FHIP1A: variants seen among roughly 807,000 people sequenced by gnomAD.
FHIP1A encodes FHF complex subunit HOOK interacting protein 1A.
A neutral mutation model predicts 88.6 loss-of-function variants in FHIP1A; 61 were observed. The ratio of observed to expected loss-of-function variants is 0.69; its 90% CI spans 0.56 to 0.85. The LOEUF is 0.85. Among genes scored for constraint, FHIP1A ranks in the 40% least tolerant of loss-of-function variants. The pLI is 0.00. For synonymous variants in FHIP1A, 478 were observed against 496.0 expected, an observed-to-expected ratio of 0.96 and a Z score of 0.48; for missense variants, 1,154 against 1,273.5, an observed-to-expected ratio of 0.91 and a Z score of 1.43.
chr4:151,505,307 T>C (rs1730793386), intron 3 of FHIP1A, among the ~76,000 whole-genome samples: 1 of 152,138 alleles, frequency 6.6e-6, no homozygotes, highest in African/African-American at 2.4e-5. Flanking sequence ...AAGATAGGAA[T>C]TGGGGAGGCT....
chr4:151,476,161 A>ATTTTTT (rs564671344), intron 2 of FHIP1A, among the ~76,000 whole-genome samples: 1 of 111,510 alleles, frequency 9.0e-6, no homozygotes, highest in Non-Finnish European at 1.8e-5. Flanking sequence ...TGCTCGGCCG[A>ATTTTTT]TTTTTTTTTT....
At chr4:151,635,578 C>G (rs1351146880) in intron 8 of FHIP1A, among the ~76,000 whole-genome samples, 1 of 151,748 alleles carries the variant, frequency 6.6e-6, no homozygotes, top group East Asian at 1.9e-4. Context: ...TTGTCATATG[C>G]TACAACACGG....
chr4:151,656,688 G>C lies in FHIP1A; in HGVS notation c.2731-72G>C, dbSNP rs1737253423. On this transcript the variant is annotated intron_variant, in intron 12 of 13. Coordinates refer to ENST00000435205, the MANE Select transcript of FHIP1A (RefSeq NM_001109977.3). This position sits in a 1 kb window ranked among gnomAD's most constrained non-coding sequence, Gnocchi z 4.2. ...AGTTCCCATAATGAGGGTGCTACCT[G>C]CAAGATATATTGATAACTGGGAGTG... The C allele has an allele frequency of 3.4e-6, 5 of 1,470,926 alleles. No homozygotes were observed. The highest frequency in any genetic ancestry group is 3.7e-6 in the Non-Finnish European group (4 of 1,089,520). The allele number at this position is 1,470,926 out of a possible 1,614,324, so 91.1% of individuals were successfully genotyped here. A position where few individuals can be genotyped will look rare whatever the true frequency, so the allele number is the denominator to read the frequency against.
At chr4:151,486,205 C>G (rs1382832039) in intron 3 of FHIP1A, among the ~76,000 whole-genome samples, 2 of 152,170 alleles carry the variant, frequency 1.3e-5, no homozygotes, top group African/African-American at 4.8e-5. Context: ...TGGTTCCTAA[C>G]AGGCCAGAGA....
intron 13 of FHIP1A, among the ~76,000 whole-genome samples, chr4:151,658,177 G>A (rs1416714897): frequency 6.6e-6 from 1 of 152,234 alleles, no homozygotes; most frequent in African/African-American, 2.4e-5. Context: ...TGGTAAGTGT[G>A]TGACCTGTGT....
rs1728377533 is a variant in FHIP1A, at chr4:151,440,737, C to T, written c.-355-13964C>T. Among the ~76,000 whole-genome samples, 3 of 152,122 alleles carry T rather than the reference C, an allele frequency of 2.0e-5. No homozygotes were observed. The South Asian group carries it at 6.2e-4, about 31-fold the overall frequency. The stretch of plus-strand genomic sequence containing the variant: ...TGGCCAACTGCCCAGGAAATTGCTT[C>T]AAGTTACCAAAATTTATTACAAAAT... On this transcript the variant is annotated intron_variant, in intron 1 of 13. Coordinates refer to ENST00000435205, the MANE Select transcript of FHIP1A (RefSeq NM_001109977.3).
intron 8 of FHIP1A, among the ~76,000 whole-genome samples, chr4:151,630,089 CACTT>C (rs1736100130): frequency 2.0e-5 from 3 of 151,982 alleles, no homozygotes; most frequent in South Asian, 4.1e-4. Context: ...CAAGAGGTGA[CACTT>C]ACTGCCTTTC....
chr4:151,602,239 G>A (rs1734900232), intron 7 of FHIP1A, among the ~76,000 whole-genome samples: 1 of 152,118 alleles, frequency 6.6e-6, no homozygotes. Context: ...AGTGTGTTCT[G>A]AAAAATCATA....
chr4:151,414,774 T>C (rs1339046851), intron 1 of FHIP1A, among the ~76,000 whole-genome samples: 1 of 152,238 alleles, frequency 6.6e-6, no homozygotes, highest in Non-Finnish European at 1.5e-5. Flanking sequence ...ACCCTTAAGT[T>C]TATCCTTTTC....
At chr4:151,427,450 C>G (rs908046077) in intron 1 of FHIP1A, among the ~76,000 whole-genome samples, 2 of 151,962 alleles carry the variant, frequency 1.3e-5, no homozygotes, top group African/African-American at 2.4e-5. Flanking sequence ...CTAGTAAAAC[C>G]CAGCTCCTTC....
chr4:151,556,713 T>C (rs551286467), intron 3 of FHIP1A, among the ~76,000 whole-genome samples: 1 of 152,204 alleles, frequency 6.6e-6, no homozygotes, highest in South Asian at 2.1e-4. Context: ...AAGGGAGAGA[T>C]GGAGAGAGGG....
intron 8 of FHIP1A, 107 bp downstream of exon 8, chr4:151,629,976 T>G: frequency 1.0e-6 from 1 of 962,126 alleles, no homozygotes; most frequent in Non-Finnish European, 1.5e-6. Flanking sequence ...TCCTTTTTTT[T>G]TCTTTTTCTT....
intron 3 of FHIP1A, among the ~76,000 whole-genome samples, chr4:151,536,794 A>G (rs112826268): frequency 7.3e-4 from 111 of 152,338 alleles, no homozygotes; most frequent in Non-Finnish European, 1.2e-3. Context: ...TTGTGTTAAC[A>G]TAAGTTTTCC....
intron 3 of FHIP1A, among the ~76,000 whole-genome samples, chr4:151,565,027 G>T (rs1733328339): frequency 6.6e-6 from 1 of 152,058 alleles, no homozygotes; most frequent in Admixed American, 6.5e-5. Flanking sequence ...GCCGATCGGT[G>T]TTCTCCTTGT....
At chr4:151,514,238 A>T (rs1442216558) in intron 3 of FHIP1A, among the ~76,000 whole-genome samples, 1 of 152,182 alleles carries the variant, frequency 6.6e-6, no homozygotes, top group Non-Finnish European at 1.5e-5. Flanking sequence ...AGAAATAAAG[A>T]TGTTCTTTGA....
chr4:151,547,178 A>G (rs946263111), intron 3 of FHIP1A, among the ~76,000 whole-genome samples: 10 of 152,182 alleles, frequency 6.6e-5, no homozygotes, highest in Admixed American at 5.2e-4. Flanking sequence ...TAGGCCATCA[A>G]TTGCATCCTG....
intron 7 of FHIP1A, among the ~76,000 whole-genome samples, chr4:151,621,881 A>G (rs1735760394): frequency 6.6e-6 from 1 of 152,092 alleles, no homozygotes; most frequent in East Asian, 1.9e-4. Context: ...TTTCAATGAA[A>G]TGTTATTCAC....
chr4:151,587,096 AT>A (rs35374212), intron 6 of FHIP1A, among the ~76,000 whole-genome samples: 48,477 of 151,992 alleles, frequency 0.32, 7,753 homozygotes, highest in Non-Finnish European at 0.33. Flanking sequence ...CATTAAATAG[AT>A]TATTTTTAGG....
At chr4:151,494,524 G>A (rs761705001) in intron 3 of FHIP1A, among the ~76,000 whole-genome samples, 1 of 151,982 alleles carries the variant, frequency 6.6e-6, no homozygotes, top group Non-Finnish European at 1.5e-5. Context: ...CTGTTCCATT[G>A]CTCTATGGTC....
Sources: gnomAD v4.1 joint callset for allele counts (sites outside exome capture counted in the v4.1 genomes callset) on GRCh38, gnomAD v4.1.1 for gene constraint, Gnocchi (gnomAD v3.1) non-coding constraint, MANE v1.5 for transcripts, NCBI Gene and HGNC (gene_info 2026-07-23, HGNC 2026-07-21) for gene names.